Variants in BPTF observed in about 807,000 individuals in gnomAD.
BPTF encodes bromodomain PHD finger transcription factor, also known as nucleosome-remodeling factor subunit BPTF.
Under a neutral mutation model 292.5 loss-of-function variants are expected in BPTF, and 18 were observed. That is an observed-to-expected ratio of 0.06 (90% CI 0.04 to 0.09). The LOEUF is 0.09. Among genes scored for constraint, BPTF ranks in the 10% least tolerant of loss-of-function variants. The pLI is 1.00. For missense variants in BPTF, 2,726 were observed against 3,498.7 expected, an observed-to-expected ratio of 0.78 and a Z score of 5.57; for synonymous variants, 1,225 against 1,251.9, an observed-to-expected ratio of 0.98 and a Z score of 0.45.
At chr17:67,952,990 T>C (rs1434484337) in intron 23 of BPTF, among the ~76,000 whole-genome samples, 1 of 152,230 alleles carries the variant, frequency 6.6e-6, no homozygotes, top group Non-Finnish European at 1.5e-5. Flanking sequence ...AGATAGAGTC[T>C]TGCTCTGTCG....
intron 1 of BPTF, among the ~76,000 whole-genome samples, chr17:67,846,475 C>T (rs539480640): frequency 1.3e-5 from 2 of 152,298 alleles, no homozygotes; most frequent in East Asian, 1.9e-4. Flanking sequence ...ATGGTAGCCA[C>T]GAGACACATG....
intron 7 of BPTF, among the ~76,000 whole-genome samples, chr17:67,895,918 T>A (rs900653509): frequency 6.6e-6 from 1 of 152,010 alleles, no homozygotes; most frequent in Non-Finnish European, 1.5e-5. Context: ...ATAATATTAT[T>A]TCATAATGGT....
intron 27 of BPTF, chr17:67,981,575 G>C: frequency 1.9e-6 from 2 of 1,064,078 alleles, no homozygotes; most frequent in Non-Finnish European, 2.3e-6. Context: ...ATTTTTTAAT[G>C]TTAAAGATGT....
rs1262676544 is a variant in BPTF at position 67,874,668 on chromosome 17, T to G, written c.1661-149T>G. The G allele has an allele frequency of 2.9e-5, 16 of 550,050 alleles. No individual in the cohort carries two copies. The Admixed American group carries it at 5.5e-4, about 19-fold the overall frequency. The allele number at this position is 550,050 out of a possible 1,614,324, so 34.1% of individuals were successfully genotyped here. On this transcript the variant is annotated intron_variant, in intron 3 of 27. Transcript: ENST00000306378. ...TGTAAACACAATTTTGTTTGTAATC[T>G]TGATTTTTATTTCATAGGTCTAATG... is the stretch of plus-strand genomic sequence containing the variant.
intron 21 of BPTF, among the ~76,000 whole-genome samples, chr17:67,947,130 A>G (rs1555675905): frequency 6.6e-6 from 1 of 152,262 alleles, no homozygotes; most frequent in African/African-American, 2.4e-5. Context: ...TGCAATGATT[A>G]AATGAGGTCA....
intron 19 of BPTF, 53 bp downstream of exon 19, chr17:67,940,709 C>G: frequency 6.5e-7 from 1 of 1,539,888 alleles, no homozygotes; most frequent in Non-Finnish European, 8.9e-7. Flanking sequence ...TTTATTCTTG[C>G]GGTAAGTTTA....
intron 4 of BPTF, chr17:67,886,290 C>T (rs2060743273): frequency 6.2e-7 from 1 of 1,613,400 alleles, no homozygotes; most frequent in African/African-American, 1.3e-5. Flanking sequence ...GAATCTCATA[C>T]ACCTGTCTCT....
chr17:67,931,424 G>A (rs1568105360), intron 17 of BPTF, among the ~76,000 whole-genome samples: 1 of 152,190 alleles, frequency 6.6e-6, no homozygotes, highest in Non-Finnish European at 1.5e-5. Context: ...ACGATGAGCT[G>A]TGATTGCATC....
At chr17:67,934,510 ACT>A (rs2064733268) in intron 18 of BPTF, among the ~76,000 whole-genome samples, 1 of 151,142 alleles carries the variant, frequency 6.6e-6, no homozygotes, top group Non-Finnish European at 1.5e-5. Context: ...CAAGAGTGAA[ACT>A]CTGTCTCAAA....
intron 25 of BPTF, among the ~76,000 whole-genome samples, chr17:67,964,829 C>T (rs537555418): frequency 5.2e-4 from 79 of 150,776 alleles, no homozygotes; most frequent in African/African-American, 1.9e-3. Context: ...GAAACCCCGT[C>T]TCTACTAAAA....
chr17:67,869,296 A>C (rs1458881021), intron 3 of BPTF, among the ~76,000 whole-genome samples: 2 of 152,184 alleles, frequency 1.3e-5, no homozygotes, highest in Admixed American at 1.3e-4. Context: ...AAAACAAAAA[A>C]ATATTTTCTG....
intron 15 of BPTF, among the ~76,000 whole-genome samples, chr17:67,927,731 C>A (rs1226163961): frequency 6.6e-6 from 1 of 152,030 alleles, no homozygotes; most frequent in Admixed American, 6.6e-5. Context: ...TTGTACAAGC[C>A]AGAAAAACTT....
intron 2 of BPTF, among the ~76,000 whole-genome samples, chr17:67,862,650 C>T (rs1243203709): frequency 6.6e-6 from 1 of 152,070 alleles, no homozygotes; most frequent in Non-Finnish European, 1.5e-5. Context: ...CAGTTTCCTG[C>T]AGCTGCTATA....
chr17:67,903,414 C>G (rs1307096694), intron 7 of BPTF, among the ~76,000 whole-genome samples: 1 of 152,072 alleles, frequency 6.6e-6, no homozygotes. Context: ...GAAAGATCTT[C>G]TAGTGTAATT....
chr17:67,838,733 C>T (rs2057326483), intron 1 of BPTF, among the ~76,000 whole-genome samples: 1 of 152,222 alleles, frequency 6.6e-6, no homozygotes, highest in African/African-American at 2.4e-5. Flanking sequence ...TCCTTGGCTT[C>T]CCAAACTGTT....
At chr17:67,876,603 C>A (rs561562666) in intron 4 of BPTF, among the ~76,000 whole-genome samples, 1 of 152,068 alleles carries the variant, frequency 6.6e-6, no homozygotes. Flanking sequence ...GTCAGGAGTT[C>A]GAGACCAGCC....
rs2063065953 is a variant in BPTF, at chr17:67,917,131, C to CCTTTTTT, written c.5304-1583_5304-1582insCTTTTTT. ...GATAAGTAACTAATATGGTATTGTC[C>CCTTTTTT]TTTTTTTTTTTTTTTTTTTGAGATA... On this transcript the variant is annotated intron_variant, in intron 11 of 27. Coordinates refer to ENST00000306378, the MANE Select transcript of BPTF (RefSeq NM_182641.4). 1.1e-4 allele frequency among the ~76,000 whole-genome samples: 12 copies of CCTTTTTT among 105,776 alleles called. 1 individual carries two copies. The highest frequency in any genetic ancestry group is 4.0e-4 in the African/African-American group (11 of 27,622). 69.4% of individuals were successfully genotyped at this position (105,776 alleles called of 152,430 possible).
chr17:67,833,815 G>T (rs533378332), intron 1 of BPTF, among the ~76,000 whole-genome samples: 173 of 152,150 alleles, frequency 1.1e-3, no homozygotes, highest in African/African-American at 4.0e-3. Flanking sequence ...TGATCCACCC[G>T]CCTTGGCCTC....
chr17:67,828,694 A>G (rs1369129610), intron 1 of BPTF, among the ~76,000 whole-genome samples: 2 of 151,948 alleles, frequency 1.3e-5, no homozygotes, highest in Admixed American at 6.6e-5. Flanking sequence ...ACGCCCAGCT[A>G]ATTTTGTATT....
Sources: allele counts gnomAD v4.1 joint callset (sites outside exome capture counted in the v4.1 genomes callset), GRCh38; gene constraint gnomAD v4.1.1; transcripts MANE v1.5; gene names NCBI Gene and HGNC (gene_info 2026-07-23, HGNC 2026-07-21).